Variants in IL17RD observed in about 807,000 individuals in gnomAD.
IL17RD encodes interleukin 17 receptor D, also known as interleukin-17 receptor D.
A neutral mutation model predicts 80.5 loss-of-function variants in IL17RD; 52 were observed. The observed-to-expected ratio is 0.65, with a 90% confidence interval of 0.52 to 0.81. The LOEUF is 0.81. IL17RD is among the 40% of genes least tolerant of loss of function. The pLI, the probability that IL17RD is intolerant of heterozygous loss-of-function variation, is 0.00. For synonymous variants in IL17RD, 416 were observed against 391.8 expected, an observed-to-expected ratio of 1.06 and a Z score of -0.73; for missense variants, 1,024 against 955.1, an observed-to-expected ratio of 1.07 and a Z score of -0.95.
chr3:57,107,639 A>G (rs993651496), intron 5 of IL17RD, among the ~76,000 whole-genome samples: 14 of 152,182 alleles, frequency 9.2e-5, no homozygotes, highest in African/African-American at 3.1e-4. Flanking sequence ...CAGCCACCAA[A>G]GTTTGAAAGC....
At chr3:57,112,692 C>A (rs867497068) in intron 3 of IL17RD, among the ~76,000 whole-genome samples, 3 of 151,894 alleles carry the variant, frequency 2.0e-5, no homozygotes, top group Non-Finnish European at 4.4e-5. Context: ...TTTTTGGAAA[C>A]CCCAGTAGGT....
intron 2 of IL17RD, among the ~76,000 whole-genome samples, chr3:57,116,254 G>A (rs1707212528): frequency 6.7e-6 from 1 of 150,260 alleles, no homozygotes; most frequent in African/African-American, 2.4e-5. Context: ...TTCAAAAGCA[G>A]TCATATTTAC....
Position 57,095,274 on chromosome 3 carries a change from T to C in IL17RD, c.*1119A>G, listed in dbSNP as rs1459880489. ...CATTACACACATGCTAATCATCAGA[T>C]GGGATGTGAACAATTGTTTTTTCTT... On this transcript the variant is annotated 3_prime_UTR_variant, in exon 13 of 13. Transcript: ENST00000296318. The C allele has an allele frequency of 2.0e-5, 3 of 152,204 alleles. No homozygotes were observed. Among genetic ancestry groups the C allele is most frequent in the African/African-American group, 7.2e-5 (3 of 41,436 alleles). 9.4% of individuals were successfully genotyped at this position (152,204 alleles called of 1,614,324 possible). A position where few individuals can be genotyped will look rare whatever the true frequency, so the allele number is the denominator to read the frequency against.
intron 2 of IL17RD, among the ~76,000 whole-genome samples, chr3:57,119,776 G>A (rs991586208): frequency 6.6e-6 from 1 of 152,118 alleles, no homozygotes; most frequent in Non-Finnish European, 1.5e-5. Context: ...TACACAAAAA[G>A]CACAAATTTC....
At chr3:57,154,281 T>C (rs866717696) in intron 1 of IL17RD, among the ~76,000 whole-genome samples, 1,786 of 132,726 alleles carry the variant, frequency 0.013, 42 homozygotes, top group African/African-American at 0.051. Context: ...TATATATATA[T>C]ATACACACAC....
At chr3:57,105,549 A>AT (rs1559468431) in intron 7 of IL17RD, among the ~76,000 whole-genome samples, 25 of 109,976 alleles carry the variant, frequency 2.3e-4, no homozygotes, top group African/African-American at 8.3e-4. Flanking sequence ...AAAAAAAAAA[A>AT]AAAATATATA....
intron 1 of IL17RD, among the ~76,000 whole-genome samples, chr3:57,153,135 C>T (rs1036461530): frequency 2.0e-5 from 3 of 152,208 alleles, no homozygotes; most frequent in East Asian, 1.9e-4. Context: ...AAATGACATC[C>T]TGCATTTCCT....
intron 1 of IL17RD, 25 bp from the exon 2 acceptor site, chr3:57,120,338 T>G (rs200542305): frequency 1.2e-6 from 2 of 1,601,948 alleles, no homozygotes; most frequent in Non-Finnish European, 1.7e-6. Flanking sequence ...GAGAACATGA[T>G]GCAGAGTGAA....
At chr3:57,170,023 C>T (rs2060362579), upstream of IL17RD, among the ~76,000 whole-genome samples, 1 of 152,234 alleles carries the variant, frequency 6.6e-6, no homozygotes, top group African/African-American at 2.4e-5. Context: ...ACCGCCTTGC[C>T]TGGGACGAAA....
chr3:57,096,563 G>C (rs1296663532), intron 12 of IL17RD, 58 bp from the exon 13 acceptor site: 1 of 1,190,034 alleles, frequency 8.4e-7, no homozygotes, highest in Non-Finnish European at 1.3e-6. Context: ...GGGCTGGGCA[G>C]GTGCTCATGG....
chr3:57,119,001 T>C (rs575728855), intron 2 of IL17RD, among the ~76,000 whole-genome samples: 1 of 144,534 alleles, frequency 6.9e-6, no homozygotes, highest in South Asian at 2.2e-4. Flanking sequence ...AGGCCAGGAG[T>C]TCAAGACCAG....
At chr3:57,117,428 G>T (rs919618382) in intron 2 of IL17RD, among the ~76,000 whole-genome samples, 11 of 152,100 alleles carry the variant, frequency 7.2e-5, no homozygotes, top group African/African-American at 2.4e-4. Flanking sequence ...TAAAGTCTAA[G>T]AATTAAGAAA....
intron 1 of IL17RD, among the ~76,000 whole-genome samples, chr3:57,156,250 T>C (rs2107542465): frequency 6.6e-6 from 1 of 152,214 alleles, no homozygotes; most frequent in South Asian, 2.1e-4. Context: ...CATGGTCAGG[T>C]CTGATACTTC....
intron 1 of IL17RD, among the ~76,000 whole-genome samples, chr3:57,132,749 G>T (rs1411292466): frequency 6.6e-6 from 1 of 152,208 alleles, no homozygotes; most frequent in African/African-American, 2.4e-5. Context: ...CAACAGTTAT[G>T]TCTGCAGCCA....
intron 3 of IL17RD, among the ~76,000 whole-genome samples, chr3:57,112,418 A>T (rs1707119869): frequency 6.6e-6 from 1 of 152,210 alleles, no homozygotes; most frequent in South Asian, 2.1e-4. Context: ...TCTACCTTCC[A>T]AGAAGTGTCC....
intron 3 of IL17RD, among the ~76,000 whole-genome samples, chr3:57,111,914 A>G (rs2107486244): frequency 6.6e-6 from 1 of 151,632 alleles, no homozygotes; most frequent in Admixed American, 6.6e-5. Flanking sequence ...GTGAGCTGAG[A>G]TCATGCCACT....
intron 1 of IL17RD, among the ~76,000 whole-genome samples, chr3:57,158,760 T>C (rs2060284769): frequency 6.6e-6 from 1 of 152,260 alleles, no homozygotes; most frequent in Non-Finnish European, 1.5e-5. Context: ...AATGGAGTTT[T>C]TGTTATGTAG....
In IL17RD at chr3:57,098,441, A is replaced by G. The variant is rs201853804; in HGVS notation, c.1262T>C (p.Val421Ala). Residue 421 changes from valine (V) to alanine (A), a missense_variant, in exon 12 of 13, where the codon GTT becomes GCT. Coordinates refer to ENST00000296318, the MANE Select transcript of IL17RD (RefSeq NM_017563.5). Reference protein sequence around the residue: ...KIHESQFIIVVCSKGMKYFVD... With the variant: ...KIHESQFIIVACSKGMKYFVD... ...AAAGTACTTCATACCTTTGGAACAA[A>G]CCACAATGATGAACTGGGACTCGTG... 6.8e-5 allele frequency: 110 copies of G among 1,613,816 alleles called. No individual in the cohort carries two copies. The highest frequency in any genetic ancestry group is 8.8e-5 in the Non-Finnish European group (104 of 1,179,878).
Position 57,114,757 on chromosome 3 carries a change from G to A in IL17RD, c.245C>T (p.Thr82Ile). ...KHVIADAQNITISQYACHDQV... is the reference protein window; with the variant it reads ...KHVIADAQNIIISQYACHDQV... The stretch of plus-strand genomic sequence containing the variant: ...GTCATGGCAAGCATACTGGCTGATG[G>A]TGATATTCTGGGCGTCAGCAATCAC... Residue 82 changes from threonine (T) to isoleucine (I), a missense_variant, in exon 3 of 13, where the codon ACC becomes ATC. Transcript: ENST00000296318. 1 of 1,612,278 alleles carries A rather than the reference G, an allele frequency of 6.2e-7. No homozygotes were observed. Among genetic ancestry groups the A allele is most frequent in the South Asian group, 1.1e-5 (1 of 90,772 alleles).
Sources: gnomAD v4.1 joint callset for allele counts (sites outside exome capture counted in the v4.1 genomes callset) on GRCh38, gnomAD v4.1.1 for gene constraint, MANE v1.5 for transcripts, NCBI Gene and HGNC (gene_info 2026-07-23, HGNC 2026-07-21) for gene names.